The following DCUN1D4 variants were observed in gnomAD, a reference collection of about 807,000 sequenced individuals.
The protein encoded by DCUN1D4 is DCN1-like protein 4.
Under a neutral mutation model 47.9 loss-of-function variants are expected in DCUN1D4, and 22 were observed. That is an observed-to-expected ratio of 0.46 (90% CI 0.33 to 0.66). The LOEUF (loss-of-function observed/expected upper bound fraction) is 0.66, where lower values mean the gene tolerates loss of function less well. Ranked by LOEUF, DCUN1D4 falls within the 30% of genes least tolerant of loss-of-function variation. The pLI, the probability that DCUN1D4 is intolerant of heterozygous loss-of-function variation, is 0.02. For synonymous variants in DCUN1D4, 121 were observed against 112.2 expected, an observed-to-expected ratio of 1.08 and a Z score of -0.50; for missense variants, 301 against 340.8, an observed-to-expected ratio of 0.88 and a Z score of 0.92.
chr4:51,844,237 A>C, intron 1 of DCUN1D4: 1 of 737,584 alleles, frequency 1.4e-6, no homozygotes, highest in Non-Finnish European at 1.6e-6. Context: ...GACTGTGCTT[A>C]GGGGAGGTAC....
At chr4:51,845,347 G>T in intron 1 of DCUN1D4, 1 of 906,596 alleles carries the variant, frequency 1.1e-6, no homozygotes, top group Non-Finnish European at 1.3e-6. Flanking sequence ...TGGGTTAGTG[G>T]AATTTAGGGT....
intron 5 of DCUN1D4, among the ~76,000 whole-genome samples, chr4:51,878,698 G>C (rs1232026186): frequency 2.0e-5 from 3 of 152,158 alleles, no homozygotes; most frequent in African/African-American, 7.2e-5. Flanking sequence ...TGAACTCCCC[G>C]TGCCTTTGCC....
Position 51,886,617 on chromosome 4 carries a change from C to T in DCUN1D4, c.393C>T (p.Asp131=). 6.2e-7 allele frequency: 1 copy of T among 1,613,930 alleles called. No homozygotes were observed. The change falls in exon 6 of 11, where the codon GAC becomes GAT. Residue 131 remains aspartate, a synonymous_variant. Coordinates refer to ENST00000334635, the MANE Select transcript of DCUN1D4 (RefSeq NM_001040402.3). ...AAGGCATGGAGAAATTTTGTGAAGA[C>T]ATTGGTGTTGAACCAGAAAACGTGA... ...GPEGMEKFCE[D]IGVEPENVVM...
rs1037671834 is a variant in DCUN1D4, at chr4:51,844,806, C to T, written c.25+1539C>T. On this transcript the variant is annotated intron_variant, in intron 1 of 10. Transcript: ENST00000334635. ...ACTTGTAGTCGCGGCCGCGCCCGGCCGCGGTTGGGTTGGGTGCACGTGGGT... is the reference window on the plus strand; with the variant it reads ...ACTTGTAGTCGCGGCCGCGCCCGGCTGCGGTTGGGTTGGGTGCACGTGGGT... The T allele has an allele frequency of 4.1e-6, 4 of 984,882 alleles. No individual in the cohort carries two copies. In the Admixed American group the frequency reaches 1.8e-4, roughly 45 times the overall value. The allele number at this position is 984,882 out of a possible 1,614,324, so 61.0% of individuals were successfully genotyped here. A position where few individuals can be genotyped will look rare whatever the true frequency, so the allele number is the denominator to read the frequency against.
intron 8 of DCUN1D4, among the ~76,000 whole-genome samples, chr4:51,901,401 G>A (rs1732093621): frequency 1.3e-5 from 2 of 152,186 alleles, no homozygotes; most frequent in Non-Finnish European, 2.9e-5. Flanking sequence ...AGTCTAGTAT[G>A]TGGGTTACTC....
chr4:51,857,932 G>T (rs1013838200), intron 1 of DCUN1D4, among the ~76,000 whole-genome samples: 2 of 152,152 alleles, frequency 1.3e-5, no homozygotes, highest in Admixed American at 6.5e-5. Flanking sequence ...AATATTACGG[G>T]ATACAGCAAT....
At chr4:51,848,368 G>A in intron 1 of DCUN1D4, 1 of 1,244,966 alleles carries the variant, frequency 8.0e-7, no homozygotes, top group Non-Finnish European at 1.0e-6. Flanking sequence ...GCATTAACAG[G>A]TCTGATGTTA....
At chr4:51,888,647 A>C (rs1296622886) in intron 6 of DCUN1D4, among the ~76,000 whole-genome samples, 1 of 147,834 alleles carries the variant, frequency 6.8e-6, no homozygotes, top group Non-Finnish European at 1.5e-5. Context: ...TGAACCCAGG[A>C]GGTGGAGGTT....
At chr4:51,899,523 G>T in intron 8 of DCUN1D4, 145 bp downstream of exon 8, 1 of 1,452,462 alleles carries the variant, frequency 6.9e-7, no homozygotes, top group Non-Finnish European at 9.1e-7. Context: ...CTTTCTACAT[G>T]TATGCTTTTG....
intron 5 of DCUN1D4, chr4:51,884,229 G>C (rs1205270651): frequency 6.6e-6 from 1 of 152,164 alleles, no homozygotes; most frequent in African/African-American, 2.4e-5. Context: ...CCAAGGATTT[G>C]AAGCAGAAAA....
At chr4:51,858,501 A>T (rs1456636325) in intron 1 of DCUN1D4, among the ~76,000 whole-genome samples, 2 of 152,176 alleles carry the variant, frequency 1.3e-5, no homozygotes, top group Admixed American at 1.3e-4. Context: ...TTTGCTTTGA[A>T]CAGCTTCCCC....
Position 51,877,779 on chromosome 4 carries a change from G to A in DCUN1D4, c.268G>A (p.Asp90Asn), listed in dbSNP as rs1727924263. 1.2e-6 allele frequency: 2 copies of A among 1,608,964 alleles called. No homozygotes were observed. The highest frequency in any genetic ancestry group is 1.7e-6 in the Non-Finnish European group (2 of 1,177,982). The stretch of plus-strand genomic sequence containing the variant: ...AATTTCCAGCATGTATAGAAAATAT[G>A]ATTCGACTAGAATAAAGACTGAAGA... ...SRHDSMYRKY[D>N]STRIKTEEEA... is the part of the protein sequence containing the mutation. The change falls in exon 5 of 11, where the codon GAT (aspartate) becomes AAT (asparagine). Residue 90 changes from aspartate to asparagine, a missense_variant. Asp to Asn is a conservative substitution (Grantham distance 23). This residue lies in a region of DCUN1D4 where 131 missense variants were observed against 106.3 expected (regional missense o/e 1.23). Coordinates refer to ENST00000334635, the MANE Select transcript of DCUN1D4 (RefSeq NM_001040402.3).
At chr4:51,881,688 A>G (rs1448345937) in intron 5 of DCUN1D4, among the ~76,000 whole-genome samples, 2 of 151,922 alleles carry the variant, frequency 1.3e-5, no homozygotes, top group Non-Finnish European at 2.9e-5. Context: ...CAAGAAAAAA[A>G]AAACCTCTCT....
intron 1 of DCUN1D4, among the ~76,000 whole-genome samples, chr4:51,849,834 TGTGTGTGTGTGCGTGC>T (rs951518619): frequency 8.4e-6 from 1 of 118,444 alleles, no homozygotes; most frequent in African/African-American, 5.0e-5. Flanking sequence ...TACAGAAATA[TGTGTGTGTGTGCGTGC>T]GTGTGTGTGT....
At chr4:51,856,982 C>T (rs1724239377) in intron 1 of DCUN1D4, among the ~76,000 whole-genome samples, 1 of 152,168 alleles carries the variant, frequency 6.6e-6, no homozygotes, top group Admixed American at 6.5e-5. Flanking sequence ...CTGGCCTCGT[C>T]TTCAACTTCA....
intron 1 of DCUN1D4, chr4:51,845,067 T>C (rs908468469): frequency 3.0e-6 from 3 of 985,484 alleles, no homozygotes; most frequent in African/African-American, 1.7e-5. Context: ...TTTTGTGGCC[T>C]TACTTGTGGA....
intron 6 of DCUN1D4, 181 bp downstream of exon 6, chr4:51,886,819 A>G (rs540514455): frequency 1.7e-5 from 10 of 584,788 alleles, no homozygotes; most frequent in African/African-American, 1.5e-4. Flanking sequence ...CTTGTAAGTG[A>G]TATGGTGTAA....
At chr4:51,835,549 A>G in the DCUN1D4 span, among the ~76,000 whole-genome samples, 1 of 152,190 alleles carries the variant, frequency 6.6e-6, no homozygotes, top group Non-Finnish European at 1.5e-5. Context: ...AAGCCAGAAA[A>G]AGTGCTTGTG....
chr4:51,887,348 G>T (rs1410558643), intron 6 of DCUN1D4: 1 of 247,658 alleles, frequency 4.0e-6, no homozygotes, highest in East Asian at 1.5e-4. Context: ...GATCTGCCCG[G>T]CTCAGCCTCC....
Sources: allele counts gnomAD v4.1 joint callset (sites outside exome capture counted in the v4.1 genomes callset), GRCh38; gene constraint gnomAD v4.1.1; regional missense constraint gnomAD v4.1.1; transcripts MANE v1.5; gene names NCBI Gene and HGNC (gene_info 2026-07-23, HGNC 2026-07-21).